GRM7: variants seen among roughly 807,000 people sequenced by gnomAD.
GRM7 encodes metabotropic glutamate receptor 7.
A neutral mutation model predicts 84.5 loss-of-function variants in GRM7; 35 were observed. That is an observed-to-expected ratio of 0.41 (90% confidence interval 0.32 to 0.55). The LOEUF is 0.55. Among genes scored for constraint, GRM7 ranks in the 20% least tolerant of loss-of-function variants. The probability of loss-of-function intolerance (pLI) is 0.19; values close to 1 mark genes in which losing one functional copy is unlikely to be tolerated. For missense variants in GRM7, 1,003 were observed against 1,194.6 expected, an observed-to-expected ratio of 0.84 and a Z score of 2.36; for synonymous variants, 487 against 455.1, an observed-to-expected ratio of 1.07 and a Z score of -0.89.
intron 1 of GRM7, among the ~76,000 whole-genome samples, chr3:7,005,642 A>G (rs1695156905): frequency 6.6e-6 from 1 of 152,198 alleles, no homozygotes; most frequent in Non-Finnish European, 1.5e-5. Flanking sequence ...TTAGATATTG[A>G]TAGTTAGCCA....
At chr3:7,635,017 G>A (rs972446368) in intron 8 of GRM7, among the ~76,000 whole-genome samples, 1 of 152,178 alleles carries the variant, frequency 6.6e-6, no homozygotes, top group Non-Finnish European at 1.5e-5. Flanking sequence ...AGAATTTTCT[G>A]TAATGATGGA....
At chr3:7,446,409 T>G (rs1000978743) in intron 5 of GRM7, among the ~76,000 whole-genome samples, 3 of 152,082 alleles carry the variant, frequency 2.0e-5, no homozygotes, top group African/African-American at 7.2e-5. Flanking sequence ...CTTTTGGTTT[T>G]CCTTTTGAAA....
chr3:7,117,654 A>G (rs1370122831), intron 1 of GRM7, among the ~76,000 whole-genome samples: 1 of 152,186 alleles, frequency 6.6e-6, no homozygotes, highest in Non-Finnish European at 1.5e-5. Flanking sequence ...GAGTGCAAAG[A>G]CGGAAGAACA....
intron 6 of GRM7, among the ~76,000 whole-genome samples, chr3:7,454,237 A>T (rs180775672): frequency 4.3e-4 from 66 of 152,288 alleles, no homozygotes; most frequent in Non-Finnish European, 7.1e-4. Context: ...AAACTCTTTT[A>T]TAAATTGATA....
intron 1 of GRM7, among the ~76,000 whole-genome samples, chr3:7,132,833 A>C (rs1259022728): frequency 6.6e-6 from 1 of 152,192 alleles, no homozygotes; most frequent in Non-Finnish European, 1.5e-5. Context: ...ATTTCTGTTA[A>C]GTGCACTTTA....
chr3:7,359,274 T>C (rs1268268156), intron 4 of GRM7, among the ~76,000 whole-genome samples: 2 of 138,630 alleles, frequency 1.4e-5, no homozygotes, highest in Admixed American at 7.2e-5. Flanking sequence ...TATACTCAGG[T>C]TTTCCCTTTC....
chr3:6,962,463 A>G (rs552483636), intron 1 of GRM7, among the ~76,000 whole-genome samples: 67 of 152,334 alleles, frequency 4.4e-4, no homozygotes, highest in African/African-American at 1.6e-3. Flanking sequence ...CACATACAAA[A>G]TGAGAAAGGA....
At chr3:7,282,110 A>G (rs1178923342) in intron 2 of GRM7, among the ~76,000 whole-genome samples, 2 of 152,172 alleles carry the variant, frequency 1.3e-5, no homozygotes, top group African/African-American at 4.8e-5. Context: ...ACAGGTACCT[A>G]CATAATTCCT....
chr3:7,372,274 G>A (rs542198054), intron 4 of GRM7, among the ~76,000 whole-genome samples: 6 of 152,262 alleles, frequency 3.9e-5, no homozygotes, highest in African/African-American at 1.2e-4. Context: ...ACGTAAAGAC[G>A]TTTGTGTGTA....
intron 2 of GRM7, among the ~76,000 whole-genome samples, chr3:7,297,642 T>C (rs1699857211): frequency 7.3e-6 from 1 of 137,250 alleles, no homozygotes; most frequent in Non-Finnish European, 1.5e-5. Context: ...TATTTGTCTA[T>C]GTTTGTGGAA....
chr3:7,399,052 T>C (rs1695337439), intron 4 of GRM7, among the ~76,000 whole-genome samples: 1 of 152,084 alleles, frequency 6.6e-6, no homozygotes, highest in Non-Finnish European at 1.5e-5. Context: ...CCCAGCATCA[T>C]AGGCATTTTC....
intron 1 of GRM7, among the ~76,000 whole-genome samples, chr3:6,970,995 C>CAA (rs1443065339): frequency 6.6e-6 from 1 of 151,392 alleles, no homozygotes; most frequent in Non-Finnish European, 1.5e-5. Context: ...AACAAACAAA[C>CAA]AAACAAACAA....
intron 5 of GRM7, among the ~76,000 whole-genome samples, chr3:7,447,727 CTT>C (rs34044390): frequency 2.0e-5 from 3 of 148,398 alleles, no homozygotes; most frequent in South Asian, 4.3e-4. Context: ...CCAGCAAACT[CTT>C]TTTTTTTTAA....
chr3:7,704,906 G>A (rs909823603), intron 9 of GRM7, among the ~76,000 whole-genome samples: 1 of 152,132 alleles, frequency 6.6e-6, no homozygotes, highest in African/African-American at 2.4e-5. Context: ...ACGGCAGAAT[G>A]GCAAGAGCTG....
intron 1 of GRM7, among the ~76,000 whole-genome samples, chr3:6,925,711 A>G (rs1697274473): frequency 6.6e-6 from 1 of 152,190 alleles, no homozygotes; most frequent in Non-Finnish European, 1.5e-5. Flanking sequence ...CTGTATATAA[A>G]TAGCTATAGC....
chr3:7,053,815 CT>C lies in GRM7; in HGVS notation c.520-92632del, dbSNP rs201421251. 5.2e-3 allele frequency among the ~76,000 whole-genome samples: 787 copies of C among 150,886 alleles called. 1 individual carries two copies. Among genetic ancestry groups the C allele is most frequent in the Middle Eastern group, 0.013 (3 of 238 alleles). ...ATGTAAGTCCTTCAATTTTATTTTT[CT>C]TTTTCAAAATTGTTATGGTTATTAT... On this transcript the variant is annotated intron_variant, in intron 1 of 9. Transcript: ENST00000357716.
intron 1 of GRM7, among the ~76,000 whole-genome samples, chr3:7,095,319 A>G (rs1698819472): frequency 6.6e-6 from 1 of 152,172 alleles, no homozygotes; most frequent in African/African-American, 2.4e-5. Flanking sequence ...CTACATCTGT[A>G]AACTCATTAA....
At position 7,229,759 on chromosome 3, in the gene GRM7, ATTTTTTTTT is replaced by A. The variant is rs1200808989; in HGVS notation, c.737-68918_737-68910del. Among the ~76,000 whole-genome samples, 186 of 30,372 alleles carry A rather than the reference ATTTTTTTTT, an allele frequency of 6.1e-3. 6 individuals are homozygous for A. The highest frequency in any genetic ancestry group is 0.021 in the African/African-American group (164 of 7,920). 19.9% of individuals were successfully genotyped at this position (30,372 alleles called of 152,430 possible). A position where few individuals can be genotyped will look rare whatever the true frequency, so the allele number is the denominator to read the frequency against. On this transcript the variant is annotated intron_variant, in intron 2 of 9. Transcript: ENST00000357716. Reference sequence around the variant, plus strand: ...TATATATATATATATATATATATATATTTTTTTTTTTTTTTGGTTGACAGGTGTTGAGTG... The same window carrying A: ...TATATATATATATATATATATATATATTTTTTGGTTGACAGGTGTTGAGTG...
chr3:6,957,372 T>C (rs1317386623), intron 1 of GRM7, among the ~76,000 whole-genome samples: 1 of 152,172 alleles, frequency 6.6e-6, no homozygotes, highest in Non-Finnish European at 1.5e-5. Context: ...CGGTGTGATG[T>C]GTGGCATTGC....
Sources: gnomAD v4.1 joint callset for allele counts (sites outside exome capture counted in the v4.1 genomes callset) on GRCh38, gnomAD v4.1.1 for gene constraint, MANE v1.5 for transcripts, NCBI Gene and HGNC (gene_info 2026-07-23, HGNC 2026-07-21) for gene names.